Variants in MAP3K11 observed in about 807,000 individuals in gnomAD.
MAP3K11 encodes the protein mitogen-activated protein kinase kinase kinase 11, also known as SH3 domain-containing proline-rich kinase.
MAP3K11 carries 46 observed loss-of-function variants against 84.9 expected under a neutral mutation model. The observed-to-expected ratio is 0.54, with a 90% CI of 0.43 to 0.69. The LOEUF is 0.69. Among genes scored for constraint, MAP3K11 ranks in the 30% least tolerant of loss-of-function variants. MAP3K11 has a pLI of 0.00. For synonymous variants in MAP3K11, 527 were observed against 514.7 expected (o/e 1.02, Z -0.32); for missense variants, 1,053 against 1,198.3 (o/e 0.88, Z 1.79).
intron 8 of MAP3K11, chr11:65,605,457 G>A: frequency 3.9e-6 from 1 of 256,684 alleles, no homozygotes; most frequent in East Asian, 7.9e-5. Flanking sequence ...CCTGGAGCCT[G>A]CTAAAGGCAC....
chr11:65,614,085 A>G lies in MAP3K11; in HGVS notation c.-329T>C, dbSNP rs1483987444. 6 of 299,460 alleles carry G rather than the reference A, an allele frequency of 2.0e-5. No individual in the cohort carries two copies. The highest frequency in any genetic ancestry group is 8.3e-5 in the South Asian group (1 of 11,986). The allele number at this position is 299,460 out of a possible 1,614,324, so 18.6% of individuals were successfully genotyped here. On this transcript the variant is annotated 5_prime_UTR_variant, in exon 1 of 10. Transcript: ENST00000309100. ...GGGAGCCTGGCTCCGGCCCCCGCCA[A>G]GTGTAAGGTGGGGCCTTCAGGGGCA...
intron 6 of MAP3K11, chr11:65,606,298 T>A: frequency 2.0e-6 from 1 of 511,038 alleles, no homozygotes; most frequent in Non-Finnish European, 3.4e-6. Flanking sequence ...TGCTTAGTAA[T>A]TAGTACAGAC....
At chr11:65,600,493 G>A (rs143616577) in intron 8 of MAP3K11, among the ~76,000 whole-genome samples, 4 of 152,268 alleles carry the variant, frequency 2.6e-5, no homozygotes, top group South Asian at 2.1e-4. Flanking sequence ...AGGTGGAGCC[G>A]GCCTCACCCC....
chr11:65,612,829 G>A, intron 1 of MAP3K11, 189 bp downstream of exon 1: 1 of 516,190 alleles, frequency 1.9e-6, no homozygotes, highest in Non-Finnish European at 3.1e-6. Flanking sequence ...GCTGGCGCAG[G>A]AAGACTCTGC....
chr11:65,605,414 A>C (rs1325897457), intron 8 of MAP3K11, among the ~76,000 whole-genome samples: 2 of 152,182 alleles, frequency 1.3e-5, no homozygotes, highest in Non-Finnish European at 1.5e-5. Context: ...TTGGGTACCA[A>C]ATGCCAGGTG....
intron 1 of MAP3K11, chr11:65,609,419 T>G (rs1854547530): frequency 6.6e-6 from 1 of 151,962 alleles, no homozygotes; most frequent in South Asian, 2.1e-4. Flanking sequence ...AGGAGGAGCT[T>G]GGGGTAAATG....
chr11:65,602,933 C>T (rs951577434), intron 8 of MAP3K11, among the ~76,000 whole-genome samples: 1 of 152,158 alleles, frequency 6.6e-6, no homozygotes, highest in East Asian at 1.9e-4. Flanking sequence ...TGGCAAAACC[C>T]CATCTCTACA....
At position 65,608,391 on chromosome 11, in the gene MAP3K11, G is replaced by C. The variant is rs1355660580; in HGVS notation, c.797C>G (p.Thr266Ser). 1 of 1,614,232 alleles carries C rather than the reference G, an allele frequency of 6.2e-7. No individual in the cohort carries two copies. Among genetic ancestry groups the C allele is most frequent in the East Asian group, 2.2e-5 (1 of 44,876 alleles). The change falls in exon 2 of 10, where the codon ACC (threonine) becomes AGC (serine). Residue 266 changes from threonine (T) to serine (S), a missense_variant. Thr to Ser is a moderately conservative substitution (Grantham distance 58). Coordinates refer to ENST00000309100, the MANE Select transcript of MAP3K11 (RefSeq NM_002419.4). ...CCACTCTCGGGCCAGGCCAAAGTCG[G>C]TGATCTTCAGGGTCTTGTGCTCCAT... Reference protein sequence around the residue: ...DDMEHKTLKITDFGLAREWHK... With the variant: ...DDMEHKTLKISDFGLAREWHK...
chr11:65,612,019 C>G (rs1565145980), intron 1 of MAP3K11: 2 of 152,280 alleles, frequency 1.3e-5, no homozygotes, highest in African/African-American at 4.8e-5. Flanking sequence ...TCAGCCCAGG[C>G]CAGGAGGCTC....
chr11:65,614,208 C>G lies in MAP3K11; in HGVS notation c.-452G>C, dbSNP rs1470738634. 1.2e-5 allele frequency: 2 copies of G among 165,552 alleles called. No individual in the cohort carries two copies. Among genetic ancestry groups the G allele is most frequent in the Non-Finnish European group, 2.6e-5 (2 of 76,666 alleles). 10.3% of individuals were successfully genotyped at this position (165,552 alleles called of 1,614,324 possible). The stretch of plus-strand genomic sequence containing the variant: ...GTTCCTGGCCCCGTCTCCTTTGGCC[C>G]CGACGGCTCCGACCCCGCTCCCTTC... On this transcript the variant is annotated 5_prime_UTR_variant, in exon 1 of 10. Transcript: ENST00000309100.
intron 9 of MAP3K11, among the ~76,000 whole-genome samples, chr11:65,599,024 A>T (rs11227235): frequency 0.2 from 30,598 of 152,154 alleles, 3,426 homozygotes; most frequent in Middle Eastern, 0.32. Flanking sequence ...TGCTACGATT[A>T]TGATTACATG....
At chr11:65,608,224 C>A in intron 2 of MAP3K11, 44 bp downstream of exon 2, 1 of 1,602,002 alleles carries the variant, frequency 6.2e-7, no homozygotes, top group South Asian at 1.1e-5. Context: ...CCTCTGCCCT[C>A]TGCAGCCCCG....
Position 65,613,628 on chromosome 11 carries a change from G to A in MAP3K11, c.129C>T (p.Asn43=). Residue 43 remains asparagine (N), a synonymous_variant, in exon 1 of 10, where the codon AAC becomes AAT. Transcript: ENST00000309100. ...AGTCGAACAGGGCTGTCCACACCGGGTTGGCATAACCCGCTGCCTTTGGAG... is the reference window on the plus strand; with the variant it reads ...AGTCGAACAGGGCTGTCCACACCGGATTGGCATAACCCGCTGCCTTTGGAG... The part of the protein sequence containing the change: ...EGSPKAAGYA[N]PVWTALFDYE... 2 of 1,613,012 alleles carry A rather than the reference G, an allele frequency of 1.2e-6. No homozygotes were observed. Among genetic ancestry groups the A allele is most frequent in the Non-Finnish European group, 1.7e-6 (2 of 1,180,002 alleles).
rs146831477 is a variant in MAP3K11, at chr11:65,598,002, C to G, written c.*289G>C. 1 of 342,872 alleles carries G rather than the reference C, an allele frequency of 2.9e-6. No homozygotes were observed. Among genetic ancestry groups the G allele is most frequent in the Non-Finnish European group, 5.3e-6 (1 of 189,746 alleles). 21.2% of individuals were successfully genotyped at this position (342,872 alleles called of 1,614,324 possible). Reference sequence around the variant, plus strand: ...ACCTCCCCTCCTCCCTGCATCACCCCAGCAGGCAATTCCCTGAGACAGGCT... The same window carrying G: ...ACCTCCCCTCCTCCCTGCATCACCCGAGCAGGCAATTCCCTGAGACAGGCT... On this transcript the variant is annotated 3_prime_UTR_variant, in exon 10 of 10. Transcript: ENST00000309100.
chr11:65,605,679 G>A, intron 8 of MAP3K11, 82 bp downstream of exon 8: 3 of 972,016 alleles, frequency 3.1e-6, no homozygotes, highest in Non-Finnish European at 1.5e-6. Context: ...CTCCTGCTTT[G>A]CCTACTAGCC....
chr11:65,601,203 A>G (rs1221959709), intron 8 of MAP3K11, among the ~76,000 whole-genome samples: 1 of 152,070 alleles, frequency 6.6e-6, no homozygotes. Context: ...GGGTATGGTG[A>G]GCTGCATGCC....
chr11:65,606,180 G>T lies in MAP3K11; in HGVS notation c.1604-99C>A. On this transcript the variant is annotated intron_variant, in intron 6 of 9. Coordinates refer to ENST00000309100, the MANE Select transcript of MAP3K11 (RefSeq NM_002419.4). ...AACTTTAGAGTATGGGGAGCAGGCT[G>T]GGCCCTGTACCATTCCCAGGGTGAG... 4.4e-6 allele frequency: 6 copies of T among 1,364,286 alleles called. 1 individual carries two copies. In the South Asian group the frequency reaches 9.2e-5, roughly 21 times the overall value. 84.5% of individuals were successfully genotyped at this position (1,364,286 alleles called of 1,614,324 possible). A position where few individuals can be genotyped will look rare whatever the true frequency, so the allele number is the denominator to read the frequency against.
chr11:65,608,249 G>T lies in MAP3K11; in HGVS notation c.920+19C>A, dbSNP rs1565144976. 2 of 1,610,484 alleles carry T rather than the reference G, an allele frequency of 1.2e-6. No homozygotes were observed. The highest frequency in any genetic ancestry group is 1.7e-6 in the Non-Finnish European group (2 of 1,177,286). On this transcript the variant is annotated intron_variant, in intron 2 of 9. Coordinates refer to ENST00000309100, the MANE Select transcript of MAP3K11 (RefSeq NM_002419.4). The stretch of plus-strand genomic sequence containing the variant: ...CTGCAGCCCCGTAGCAGCCCGTCCA[G>T]CCCCACCAAGGGCCGCACCTCCAGA...
chr11:65,598,484 G>C lies in MAP3K11; in HGVS notation c.2351C>G (p.Ala784Gly). ...TGGCAGGGGAGAAGGCCGTGGCCCA[G>C]CTGACACAAAGCTCCAGGGATCAAT... Reference protein sequence around the residue: ...SRIDPWSFVSAGPRPSPLPSP... With the variant: ...SRIDPWSFVSGGPRPSPLPSP... The change falls in exon 10 of 10, where the codon GCT (alanine) becomes GGT (glycine). Residue 784 changes from alanine to glycine, a missense_variant. By Grantham distance (60) the Ala-to-Gly change is moderately conservative. Around this residue, in one of 3 missense-constraint regions of MAP3K11, gnomAD observed 583 missense variants for 566.6 expected, o/e 1.03. Transcript: ENST00000309100. The C allele has an allele frequency of 6.2e-7, 1 of 1,613,714 alleles. No homozygotes were observed. The highest frequency in any genetic ancestry group is 8.5e-7 in the Non-Finnish European group (1 of 1,179,786).
Sources: allele counts gnomAD v4.1 joint callset (sites outside exome capture counted in the v4.1 genomes callset), GRCh38; gene constraint gnomAD v4.1.1; regional missense constraint gnomAD v4.1.1; transcripts MANE v1.5; gene names NCBI Gene and HGNC (gene_info 2026-07-23, HGNC 2026-07-21).